Variants in CNTN5 observed in about 807,000 individuals in gnomAD.
The protein encoded by CNTN5 is contactin-5.
CNTN5 carries 77 observed loss-of-function variants against 129.1 expected under a neutral mutation model. The observed-to-expected ratio is 0.60, with a 90% CI of 0.50 to 0.72. The LOEUF (loss-of-function observed/expected upper bound fraction) is 0.72. Among genes scored for constraint, CNTN5 ranks in the 30% least tolerant of loss-of-function variants. CNTN5 has a pLI of 0.00. For synonymous variants in CNTN5, 509 were observed against 465.6 expected (o/e 1.09, Z -1.20); for missense variants, 1,478 against 1,328.8 (o/e 1.11, Z -1.75).
chr11:99,912,468 A>G (rs897268491), intron 6 of CNTN5, among the ~76,000 whole-genome samples: 15 of 151,972 alleles, frequency 9.9e-5, no homozygotes, highest in Admixed American at 7.9e-4. Context: ...GTTTTTCTGC[A>G]TAACCAGTAC....
chr11:100,032,690 A>G (rs565478369), intron 9 of CNTN5, among the ~76,000 whole-genome samples: 4 of 152,136 alleles, frequency 2.6e-5, no homozygotes, highest in African/African-American at 7.2e-5. Flanking sequence ...TAAACACTCA[A>G]TCTGTTTTCT....
intron 3 of CNTN5, among the ~76,000 whole-genome samples, chr11:99,749,225 C>T (rs1565487769): frequency 6.6e-6 from 1 of 151,878 alleles, no homozygotes; most frequent in Non-Finnish European, 1.5e-5. Flanking sequence ...TGGTCCCAAG[C>T]ATTTTGGGAA....
chr11:100,264,694 T>C (rs531266291), intron 17 of CNTN5, among the ~76,000 whole-genome samples: 3 of 152,202 alleles, frequency 2.0e-5, no homozygotes, highest in African/African-American at 7.2e-5. Context: ...AATAAACATA[T>C]GTGTACATGT....
Position 99,845,155 on chromosome 11 carries a change from T to A in CNTN5, c.470T>A (p.Phe157Tyr). Residue 157 changes from phenylalanine to tyrosine, a missense_variant, in exon 6 of 25, where the codon TTC becomes TAC. Coordinates refer to ENST00000524871, the MANE Select transcript of CNTN5 (RefSeq NM_014361.4). ...CGCTACAGTTTGATAGATGGCACCT[T>A]CATTATAAGCAATCCAAGTGAAGCA... ...DYRYSLIDGTFIISNPSEAKD... is the reference protein window; with the variant it reads ...DYRYSLIDGTYIISNPSEAKD... 1 of 1,613,812 alleles carries A rather than the reference T, an allele frequency of 6.2e-7. No individual in the cohort carries two copies. The highest frequency in any genetic ancestry group is 8.5e-7 in the Non-Finnish European group (1 of 1,179,840).
intron 1 of CNTN5, among the ~76,000 whole-genome samples, chr11:99,175,716 A>C (rs1857737672): frequency 6.6e-6 from 1 of 152,168 alleles, no homozygotes; most frequent in Non-Finnish European, 1.5e-5. Flanking sequence ...ACCATTAGAT[A>C]AACTGCAAAA....
intron 1 of CNTN5, among the ~76,000 whole-genome samples, chr11:99,246,800 CA>C (rs1185756132): frequency 6.6e-6 from 1 of 152,044 alleles, no homozygotes; most frequent in African/African-American, 2.4e-5. Flanking sequence ...GGAACAAAAA[CA>C]ATATTGACAA....
rs190556121 is a variant in CNTN5, at chr11:100,073,166, C to A, written c.1430-978C>A. On this transcript the variant is annotated intron_variant, in intron 12 of 24. Transcript: ENST00000524871. ...GGTTCAAGCGATTCTCTTGCCTCAG[C>A]GTCCCAAGTAGCTGAGACTACAGGC... is the stretch of plus-strand genomic sequence containing the variant. Among the ~76,000 whole-genome samples the A allele has an allele frequency of 1.8e-3, 278 of 152,062 alleles. 3 individuals are homozygous for A. Among genetic ancestry groups the A allele is most frequent in the African/African-American group, 6.6e-3 (273 of 41,476 alleles).
intron 3 of CNTN5, among the ~76,000 whole-genome samples, chr11:99,770,282 A>G (rs1445142351): frequency 1.3e-5 from 2 of 152,110 alleles, no homozygotes; most frequent in East Asian, 3.8e-4. Context: ...CACAAGTCAA[A>G]ACTATACAAA....
chr11:99,162,744 T>G (rs566397646), intron 1 of CNTN5, among the ~76,000 whole-genome samples: 58 of 152,280 alleles, frequency 3.8e-4, no homozygotes, highest in African/African-American at 1.4e-3. Context: ...TCCATTTGAT[T>G]GAAGATGGCT....
intron 8 of CNTN5, among the ~76,000 whole-genome samples, chr11:99,981,575 C>T (rs868340870): frequency 3.3e-5 from 5 of 152,134 alleles, no homozygotes; most frequent in Non-Finnish European, 5.9e-5. Flanking sequence ...TGCTTTACCA[C>T]GTTTCTTGGT....
chr11:99,328,454 ACAT>A (rs1031232505), intron 2 of CNTN5, among the ~76,000 whole-genome samples: 22 of 152,168 alleles, frequency 1.4e-4, no homozygotes, highest in Admixed American at 7.9e-4. Context: ...GTTCTTATAG[ACAT>A]CTGTGTTTTA....
intron 9 of CNTN5, among the ~76,000 whole-genome samples, chr11:100,055,278 T>A (rs1056112622): frequency 2.0e-5 from 3 of 151,714 alleles, no homozygotes; most frequent in Admixed American, 6.6e-5. Context: ...CATTAGCTTA[T>A]GACTTCTTTT....
intron 1 of CNTN5, among the ~76,000 whole-genome samples, chr11:99,214,240 C>T (rs572863647): frequency 1.3e-5 from 2 of 152,034 alleles, no homozygotes; most frequent in East Asian, 3.9e-4. Context: ...CCAGCTTATT[C>T]AAATGCACGG....
At chr11:99,759,324 C>T (rs890172110) in intron 3 of CNTN5, among the ~76,000 whole-genome samples, 1 of 151,966 alleles carries the variant, frequency 6.6e-6, no homozygotes, top group Non-Finnish European at 1.5e-5. Context: ...TTAGCCTTTT[C>T]TCACAGTACT....
intron 24 of CNTN5, 39 bp downstream of exon 24, chr11:100,350,909 A>G (rs756617315): frequency 6.8e-7 from 1 of 1,473,390 alleles, no homozygotes; most frequent in Admixed American, 2.0e-5. Flanking sequence ...GCTGACAACC[A>G]ACAATTACGA....
intron 13 of CNTN5, among the ~76,000 whole-genome samples, chr11:100,120,387 ACT>A (rs1278714891): frequency 2.0e-5 from 3 of 151,636 alleles, no homozygotes; most frequent in Non-Finnish European, 4.4e-5. Flanking sequence ...CTACTTAGTG[ACT>A]CTTTTTTTTC....
chr11:100,225,719 T>C (rs1270035282), intron 16 of CNTN5, among the ~76,000 whole-genome samples: 1 of 152,150 alleles, frequency 6.6e-6, no homozygotes, highest in Non-Finnish European at 1.5e-5. Context: ...GATTATATTT[T>C]GAGTAGTATG....
chr11:99,844,180 C>T (rs1947605602), intron 4 of CNTN5, among the ~76,000 whole-genome samples: 1 of 152,208 alleles, frequency 6.6e-6, no homozygotes, highest in South Asian at 2.1e-4. Context: ...TTTATGTGCT[C>T]TTCCCACTGG....
intron 3 of CNTN5, among the ~76,000 whole-genome samples, chr11:99,755,154 A>C (rs1483481335): frequency 6.6e-6 from 1 of 152,174 alleles, no homozygotes; most frequent in Non-Finnish European, 1.5e-5. Flanking sequence ...TGGTTTCCAA[A>C]CGGTGTTAAT....
Sources: allele counts gnomAD v4.1 joint callset (sites outside exome capture counted in the v4.1 genomes callset), GRCh38; gene constraint gnomAD v4.1.1; transcripts MANE v1.5; gene names NCBI Gene and HGNC (gene_info 2026-07-23, HGNC 2026-07-21).